SLC38A8: variants seen among roughly 807,000 people sequenced by gnomAD.
SLC38A8 encodes amino acid transporter SLC38A8.
Under a neutral mutation model 46.0 loss-of-function variants are expected in SLC38A8, and 65 were observed. The ratio of observed to expected loss-of-function variants is 1.41; its 90% CI spans 1.16 to 1.74. The LOEUF is 1.74. Among genes scored for constraint, SLC38A8 ranks in the 40% most tolerant of loss-of-function variants. SLC38A8 has a pLI of 0.00. For missense variants in SLC38A8, 998 were observed against 567.9 expected (o/e 1.76, Z -7.70); for synonymous variants, 447 against 243.7 (o/e 1.83, Z -7.77).
intron 2 of SLC38A8, 72 bp downstream of exon 2, chr16:84,041,897 G>T: frequency 5.0e-6 from 7 of 1,392,826 alleles, no homozygotes; most frequent in Non-Finnish European, 6.8e-6. Context: ...CAGAAGCAAT[G>T]CGAGGAACCC....
At chr16:84,016,965 A>G (rs2085034969) in intron 8 of SLC38A8, among the ~76,000 whole-genome samples, 175 bp downstream of exon 8, 1 of 152,076 alleles carries the variant, frequency 6.6e-6, no homozygotes, top group Admixed American at 6.5e-5. Context: ...GTGGACACAC[A>G]CTCACGGAGT....
chr16:84,033,423 C>A lies in SLC38A8; in HGVS notation c.435G>T (p.Trp145Cys). The A allele has an allele frequency of 6.2e-7, 1 of 1,612,840 alleles. No homozygotes were observed. The highest frequency in any genetic ancestry group is 8.5e-7 in the Non-Finnish European group (1 of 1,179,476). ...GCAGGGTGAAGCGCTGGTCTGCGTA[C>A]CACGGCTGCGGGGCGGGCGGGGTGC... ...LSGTPPAPQP[W>C]YADQRFTLPL... The change falls in exon 4 of 11, where the codon TGG becomes TGT. Residue 145 changes from tryptophan to cysteine, a missense_variant. Coordinates refer to ENST00000299709, the MANE Select transcript of SLC38A8 (RefSeq NM_001080442.3).
chr16:84,042,569 AG>A lies in SLC38A8; in HGVS notation c.-22del, dbSNP rs1451886553. Reference sequence around the variant, plus strand: ...TCCTTACCACCAAATCCAACTTTTAAGGTGCCGGACAGTCTTTGGCTGTTGG... The same window carrying A: ...TCCTTACCACCAAATCCAACTTTTAAGTGCCGGACAGTCTTTGGCTGTTGG... On this transcript the variant is annotated 5_prime_UTR_variant, in exon 1 of 11. Coordinates refer to ENST00000299709, the MANE Select transcript of SLC38A8 (RefSeq NM_001080442.3). 6.2e-6 allele frequency: 1 copy of A among 161,362 alleles called. No homozygotes were observed. Among genetic ancestry groups the A allele is most frequent in the Non-Finnish European group, 1.4e-5 (1 of 73,768 alleles). The allele number at this position is 161,362 out of a possible 1,614,324, so 10.0% of individuals were successfully genotyped here.
Position 84,036,062 on chromosome 16 carries a change from TC to T in SLC38A8, c.388+639del, listed in dbSNP as rs538697589. 1.4e-3 allele frequency among the ~76,000 whole-genome samples: 214 copies of T among 152,266 alleles called. 1 individual carries two copies. The highest frequency in any genetic ancestry group is 4.7e-3 in the African/African-American group (194 of 41,538). ...ACTACAGAGCCAGTCTCACTGGATC[TC>T]AAAAGACAGCAATGATACAGACTCC... On this transcript the variant is annotated intron_variant, in intron 3 of 10. Transcript: ENST00000299709.
At chr16:84,031,119 C>T (rs984250596) in intron 5 of SLC38A8, among the ~76,000 whole-genome samples, 2 of 152,160 alleles carry the variant, frequency 1.3e-5, no homozygotes, top group Non-Finnish European at 2.9e-5. Context: ...CGGCTCACTG[C>T]AACCTCTGCC....
At chr16:84,037,806 A>ATTTTT (rs376247461) in intron 2 of SLC38A8, among the ~76,000 whole-genome samples, 2,865 of 102,110 alleles carry the variant, frequency 0.028, 188 homozygotes, top group African/African-American at 0.097. Flanking sequence ...TTCAGCTTCA[A>ATTTTT]TTTTTTTTTT....
At chr16:84,038,581 T>C (rs1049496698) in intron 2 of SLC38A8, among the ~76,000 whole-genome samples, 5 of 152,214 alleles carry the variant, frequency 3.3e-5, no homozygotes, top group African/African-American at 9.6e-5. Context: ...GCCTTTTCTC[T>C]TGTAGGGTGA....
rs775821503 is a variant in SLC38A8, at chr16:84,016,650, A to C, written c.1031T>G (p.Leu344Arg). ...GPSALADPSG[L>R]WVRMPLTILW... ...GATGGTCAGCGGCATCCGGACCCAC[A>C]GCCCTGAGGGGTCGGCCAGGGCGCT... is the stretch of plus-strand genomic sequence containing the variant. The change falls in exon 9 of 11, where the codon CTG becomes CGG. Residue 344 changes from leucine (L) to arginine (R), a missense_variant. Transcript: ENST00000299709. 8.7e-6 allele frequency: 14 copies of C among 1,613,906 alleles called. No individual in the cohort carries two copies. The highest frequency in any genetic ancestry group is 1.2e-5 in the Non-Finnish European group (14 of 1,180,030).
At position 84,013,032 on chromosome 16, in the gene SLC38A8, T is replaced by G. The variant is rs142352848; in HGVS notation, c.1183A>C (p.Met395Leu). ...CTTGGTCCTATAGGCTCGACACCCA[T>G]TGCACAGATGAGGCACAAACCTGCA... ...IFPGLCLICA[M>L]GVEPIGPRVK... The change falls in exon 10 of 11, where the codon ATG becomes CTG. Residue 395 changes from methionine to leucine, a missense_variant. Coordinates refer to ENST00000299709, the MANE Select transcript of SLC38A8 (RefSeq NM_001080442.3). 1.2e-6 allele frequency: 2 copies of G among 1,614,126 alleles called. No individual in the cohort carries two copies. Among genetic ancestry groups the G allele is most frequent in the Non-Finnish European group, 1.7e-6 (2 of 1,179,990 alleles).
At chr16:84,030,235 A>G (rs2085222098) in intron 5 of SLC38A8, among the ~76,000 whole-genome samples, 1 of 152,084 alleles carries the variant, frequency 6.6e-6, no homozygotes, top group Non-Finnish European at 1.5e-5. Context: ...AAGAGACAGG[A>G]AAGATCTGCC....
chr16:84,023,145 C>T (rs2085115475), intron 6 of SLC38A8, among the ~76,000 whole-genome samples: 1 of 120,402 alleles, frequency 8.3e-6, no homozygotes, highest in Non-Finnish European at 2.0e-5. Context: ...CATTCCTTTC[C>T]TTATTTTTTA....
intron 2 of SLC38A8, among the ~76,000 whole-genome samples, chr16:84,038,221 G>C (rs1056438985): frequency 1.3e-4 from 20 of 151,710 alleles, no homozygotes; most frequent in Non-Finnish European, 2.9e-4. Context: ...TGACGCAGGA[G>C]AATCACTTGA....
Position 84,033,060 on chromosome 16 carries a change from C to T in SLC38A8, c.530+268G>A, listed in dbSNP as rs529372064. 9.5e-4 allele frequency among the ~76,000 whole-genome samples: 143 copies of T among 151,208 alleles called. 1 individual carries two copies. The highest frequency in any genetic ancestry group is 3.2e-3 in the African/African-American group (130 of 41,172). ...TGGGTAGGTGTGTGTTGTGGGGAGG[C>T]GTCTCTCTCTCTCTGCAGCCATGTG... On this transcript the variant is annotated intron_variant, in intron 4 of 10. Coordinates refer to ENST00000299709, the MANE Select transcript of SLC38A8 (RefSeq NM_001080442.3).
In SLC38A8 at chr16:84,024,645, G is replaced by C. The variant is rs147126452; in HGVS notation, c.691-1756C>G. Among the ~76,000 whole-genome samples the C allele has an allele frequency of 3.5e-3, 526 of 152,206 alleles. 4 individuals are homozygous for C. Among genetic ancestry groups the C allele is most frequent in the African/African-American group, 0.012 (500 of 41,580 alleles). ...AAAGTATAAAAATTAGTCAGGTGTG[G>C]TGGCAAGCACCTGTAATCCTAGTTA... On this transcript the variant is annotated intron_variant, in intron 6 of 10. Transcript: ENST00000299709.
Position 84,027,245 on chromosome 16 carries a change from G to A in SLC38A8, c.690+2249C>T, listed in dbSNP as rs149864231. On this transcript the variant is annotated intron_variant, in intron 6 of 10. Transcript: ENST00000299709. ...GGCGCCTGTAATCCCAGCTACTCAA[G>A]AGGCTGAGGCAGGAGAATCGCTTGA... is the stretch of plus-strand genomic sequence containing the variant. Among the ~76,000 whole-genome samples the A allele has an allele frequency of 8.5e-5, 13 of 152,270 alleles. No homozygotes were observed. The East Asian group carries it at 2.5e-3, about 29-fold the overall frequency.
chr16:84,030,512 C>G (rs942355654), intron 5 of SLC38A8, among the ~76,000 whole-genome samples: 1 of 152,026 alleles, frequency 6.6e-6, no homozygotes, highest in Non-Finnish European at 1.5e-5. Flanking sequence ...CAGACCTGCC[C>G]AGCTGCTTGA....
intron 5 of SLC38A8, 71 bp from the exon 6 acceptor site, chr16:84,029,622 G>T: frequency 7.0e-7 from 1 of 1,437,478 alleles, no homozygotes; most frequent in Non-Finnish European, 9.7e-7. Flanking sequence ...CTGCAATGGT[G>T]AATTTTAAAG....
intron 7 of SLC38A8, among the ~76,000 whole-genome samples, chr16:84,018,296 G>A (rs909872676): frequency 7.5e-6 from 1 of 132,790 alleles, no homozygotes; most frequent in African/African-American, 2.9e-5. Context: ...GCAGTGGCAC[G>A]ATCTCGGCTC....
In SLC38A8 at chr16:84,009,770, G is replaced by A. The variant is rs779780018; in HGVS notation, c.*14C>T. 2 of 1,610,922 alleles carry A rather than the reference G, an allele frequency of 1.2e-6. No individual in the cohort carries two copies. Among genetic ancestry groups the A allele is most frequent in the South Asian group, 2.2e-5 (2 of 90,718 alleles). ...CCCCCGGAGGGCCCCTTCCTGCCCG[G>A]CACTAGCTGCCCATCAGAACATCTC... On this transcript the variant is annotated 3_prime_UTR_variant, in exon 11 of 11. Transcript: ENST00000299709.
Sources: gnomAD v4.1 joint callset for allele counts (sites outside exome capture counted in the v4.1 genomes callset) on GRCh38, gnomAD v4.1.1 for gene constraint, MANE v1.5 for transcripts, NCBI Gene and HGNC (gene_info 2026-07-23, HGNC 2026-07-21) for gene names.